Variants in DCN observed in about 807,000 individuals in gnomAD.
DCN encodes decorin.
A neutral mutation model predicts 36.5 loss-of-function variants in DCN; 17 were observed. The observed-to-expected ratio is 0.47, with a 90% CI of 0.32 to 0.70. The LOEUF is 0.70. Ranked by LOEUF, DCN falls within the 30% of genes least tolerant of loss-of-function variation. DCN has a pLI of 0.04. For synonymous variants in DCN, 163 were observed against 161.4 expected (o/e 1.01, Z -0.07); for missense variants, 389 against 430.1 (o/e 0.90, Z 0.84).
Position 91,153,172 on chromosome 12 carries a change from T to A in DCN, c.670A>T (p.Thr224Ser), listed in dbSNP as rs1174031338. The change falls in exon 6 of 8, where the codon ACG becomes TCG. Residue 224 changes from threonine (T) to serine (S), a missense_variant. By Grantham distance (58) the Thr-to-Ser change is moderately conservative. Coordinates refer to ENST00000052754, the MANE Select transcript of DCN (RefSeq NM_001920.5). ...SIPQGLPPSLTELHLDGNKIS... is the reference protein window; with the variant it reads ...SIPQGLPPSLSELHLDGNKIS... ...TTGTTGCCATCAAGATGTAATTCCG[T>A]AAGGGAAGGAGGAAGACCTGGAATG... is the stretch of plus-strand genomic sequence containing the variant. 2 of 1,599,554 alleles carry A rather than the reference T, an allele frequency of 1.3e-6. No homozygotes were observed. Among genetic ancestry groups the A allele is most frequent in the Non-Finnish European group, 1.7e-6 (2 of 1,166,960 alleles).
chr12:91,175,798 A>T (rs1006956329), intron 2 of DCN: 4 of 152,134 alleles, frequency 2.6e-5, no homozygotes, highest in Admixed American at 2.6e-4. Flanking sequence ...TCATGCTTAG[A>T]TCACTAGAGG....
chr12:91,176,751 C>A (rs1883312609), intron 2 of DCN: 1 of 152,112 alleles, frequency 6.6e-6, no homozygotes, highest in South Asian at 2.1e-4. Flanking sequence ...ATAATAAATT[C>A]TTTTAACTTT....
Position 91,146,139 on chromosome 12 carries a change from C to A in DCN, c.999G>T (p.Pro333=). 1.2e-6 allele frequency: 2 copies of A among 1,613,714 alleles called. No individual in the cohort carries two copies. The highest frequency in any genetic ancestry group is 1.7e-6 in the Non-Finnish European group (2 of 1,179,822). The stretch of plus-strand genomic sequence containing the variant: ...ATGGCTGTATCTCCCAGTACTGGAC[C>A]GGGTTGCTGAAAAGACTCACACCCG... ...SYSGVSLFSN[P]VQYWEIQPST... is the part of the protein sequence containing the mutation. Residue 333 remains proline, a synonymous_variant, in exon 8 of 8, where the codon CCG becomes CCT. Transcript: ENST00000052754.
Position 91,142,876 on chromosome 12 carries a change from A to G in DCN, c.*3182T>C, listed in dbSNP as rs1180793812. 1 of 152,220 alleles carries G rather than the reference A, an allele frequency of 6.6e-6. No individual in the cohort carries two copies. Among genetic ancestry groups the G allele is most frequent in the Non-Finnish European group, 1.5e-5 (1 of 68,044 alleles). 9.4% of individuals were successfully genotyped at this position (152,220 alleles called of 1,614,324 possible). The stretch of plus-strand genomic sequence containing the variant: ...ATTTAATAAGGAAAAAAGAAAGTGG[A>G]TATTAATGATTAAGTTGTGTCTCCT... On this transcript the variant is annotated 3_prime_UTR_variant, in exon 8 of 8. Coordinates refer to ENST00000052754, the MANE Select transcript of DCN (RefSeq NM_001920.5).
intron 7 of DCN, among the ~76,000 whole-genome samples, chr12:91,149,123 C>T (rs1314887227): frequency 6.6e-6 from 1 of 151,344 alleles, no homozygotes; most frequent in African/African-American, 2.5e-5. Flanking sequence ...AGACCAAAGC[C>T]AGACAAAATT....
intron 2 of DCN, among the ~76,000 whole-genome samples, chr12:91,169,228 C>G (rs779688268): frequency 2.0e-5 from 3 of 151,050 alleles, no homozygotes; most frequent in Non-Finnish European, 2.9e-5. Context: ...AAGACCCCAT[C>G]TTTACAAAAA....
In DCN at chr12:91,169,378, C is replaced by CTAA. The variant is rs71097880; in HGVS notation, c.212-4662_212-4661insTTA. Among the ~76,000 whole-genome samples, 123 of 73,410 alleles carry CTAA rather than the reference C, an allele frequency of 1.7e-3. 24 individuals are homozygous for CTAA. Among genetic ancestry groups the CTAA allele is most frequent in the East Asian group, 3.3e-3 (7 of 2,152 alleles). The allele number at this position is 73,410 out of a possible 152,430, so 48.2% of individuals were successfully genotyped here. A position where few individuals can be genotyped will look rare whatever the true frequency, so the allele number is the denominator to read the frequency against. ...CCTAGGCAACAGGGGGAGATCCTGT[C>CTAA]AAAAAAAAAAAAAAAAAAAAAAACC... On this transcript the variant is annotated intron_variant, in intron 2 of 7. Transcript: ENST00000052754.
At chr12:91,175,294 T>C (rs1331925218) in intron 2 of DCN, 1 of 151,020 alleles carries the variant, frequency 6.6e-6, no homozygotes, top group South Asian at 2.1e-4. Context: ...ACTTGGCCAA[T>C]ATCTATGAGG....
chr12:91,151,560 T>C, intron 7 of DCN, 94 bp downstream of exon 7: 1 of 1,482,008 alleles, frequency 6.7e-7, no homozygotes. Context: ...AAAAAAAACT[T>C]CTAAGAAGAG....
Position 91,164,620 on chromosome 12 carries a change from G to A in DCN, c.309C>T (p.Asn103=). 1 of 1,597,894 alleles carries A rather than the reference G, an allele frequency of 6.3e-7. No individual in the cohort carries two copies. The highest frequency in any genetic ancestry group is 8.6e-7 in the Non-Finnish European group (1 of 1,165,374). ...TAGTTCTTACGTGAAGGTTCTTCAG[G>A]TTCTTAAAGTCTCCATCTTTGATTT... The part of the protein sequence containing the change: ...ITEIKDGDFK[N]LKNLHALILV... Residue 103 remains asparagine, a synonymous_variant, in exon 3 of 8, where the codon AAC becomes AAT. Coordinates refer to ENST00000052754, the MANE Select transcript of DCN (RefSeq NM_001920.5).
In DCN at chr12:91,178,361, C is replaced by A. The variant is rs1367982470; in HGVS notation, c.192G>T (p.Val64=). The A allele has an allele frequency of 1.2e-6, 2 of 1,613,628 alleles. No individual in the cohort carries two copies. The highest frequency in any genetic ancestry group is 2.7e-5 in the African/African-American group (2 of 74,806). ...CPFRCQCHLR[V]VQCSDLGLDK... ...ACTCACCCAAATCAGAACACTGGAC[C>A]ACTCGAAGATGGCATTGACAGCGGA... is the stretch of plus-strand genomic sequence containing the variant. Residue 64 remains valine, a synonymous_variant, in exon 2 of 8, where the codon GTG becomes GTT. Transcript: ENST00000052754.
chr12:91,146,351 CTTTTTTTTTTT>C (rs376886852), intron 7 of DCN, 99 bp from the exon 8 acceptor site: 4 of 318,286 alleles, frequency 1.3e-5, no homozygotes, highest in South Asian at 4.0e-5. Flanking sequence ...TAATCCTTCA[CTTTTTTTTTTT>C]TTTTTTTTTT....
intron 6 of DCN, 85 bp downstream of exon 6, chr12:91,153,011 A>T: frequency 1.2e-6 from 1 of 804,112 alleles, no homozygotes; most frequent in East Asian, 2.5e-5. Context: ...TCAAAAATCA[A>T]TCATCATGTT....
chr12:91,154,836 G>A (rs1446754284), intron 5 of DCN, among the ~76,000 whole-genome samples: 7 of 151,990 alleles, frequency 4.6e-5, no homozygotes, highest in African/African-American at 1.7e-4. Flanking sequence ...AGTAGACAGG[G>A]TTATTAATAG....
intron 3 of DCN, among the ~76,000 whole-genome samples, chr12:91,160,658 TAA>T (rs1882100576): frequency 6.6e-6 from 1 of 152,100 alleles, no homozygotes; most frequent in African/African-American, 2.4e-5. Context: ...AAGAATTAAA[TAA>T]GTTAATGTAT....
intron 4 of DCN, 51 bp from the exon 5 acceptor site, chr12:91,157,239 T>G (rs748505613): frequency 8.4e-7 from 1 of 1,195,092 alleles, no homozygotes; most frequent in Non-Finnish European, 1.3e-6. Flanking sequence ...AGGATATTAC[T>G]AGTCACTGTA....
In DCN at chr12:91,151,771, G is replaced by A. The variant is rs1164689641; in HGVS notation, c.768C>T (p.Ser256=). The part of the protein sequence containing the change: ...NLAKLGLSFN[S]ISAVDNGSLA... ...GAGAGCCATTGTCAACAGCAGAGAT[G>A]CTGTTGAAACTCAATCCCAACCTGC... Residue 256 remains serine (S), a synonymous_variant, in exon 7 of 8, where the codon AGC becomes AGT. Transcript: ENST00000052754. 1.2e-6 allele frequency: 2 copies of A among 1,614,046 alleles called. No homozygotes were observed. The highest frequency in any genetic ancestry group is 1.7e-6 in the Non-Finnish European group (2 of 1,179,918).
intron 7 of DCN, 99 bp from the exon 8 acceptor site, chr12:91,146,351 CTT>C (rs376886852): frequency 0.051 from 16,059 of 312,744 alleles, 10 homozygotes; most frequent in Non-Finnish European, 0.058. Context: ...TAATCCTTCA[CTT>C]TTTTTTTTTT....
At chr12:91,168,083 G>A (rs566882714) in intron 2 of DCN, among the ~76,000 whole-genome samples, 3 of 152,106 alleles carry the variant, frequency 2.0e-5, no homozygotes, top group South Asian at 2.1e-4. Context: ...CACCAGCCTC[G>A]GCCTCCCAAA....
Sources: allele counts gnomAD v4.1 joint callset (sites outside exome capture counted in the v4.1 genomes callset), GRCh38; gene constraint gnomAD v4.1.1; transcripts MANE v1.5; gene names NCBI Gene and HGNC (gene_info 2026-07-23, HGNC 2026-07-21).